The following PKHD1 variants were observed in gnomAD, a reference collection of about 807,000 sequenced individuals.
The protein encoded by PKHD1 is PKHD1 ciliary IPT domain containing fibrocystin/polyductin, also known as fibrocystin.
A neutral mutation model predicts 412.0 loss-of-function variants in PKHD1; 291 were observed. The observed-to-expected ratio is 0.71, with a 90% CI of 0.64 to 0.78. PKHD1 has a LOEUF of 0.78. Ranked by LOEUF, PKHD1 falls within the 30% of genes least tolerant of loss-of-function variation. The pLI is 0.00. For synonymous variants in PKHD1, 1,777 were observed against 1,821.5 expected (o/e 0.98, Z 0.62); for missense variants, 4,825 against 4,950.7 (o/e 0.97, Z 0.76).
At chr6:51,984,299 T>C (rs1795947783) in intron 35 of PKHD1, among the ~76,000 whole-genome samples, 1 of 152,208 alleles carries the variant, frequency 6.6e-6, no homozygotes, top group Non-Finnish European at 1.5e-5. Flanking sequence ...TGAAAGTGAA[T>C]TCATTATTAA....
intron 1 of PKHD1, among the ~76,000 whole-genome samples, chr6:52,086,214 G>T (rs1299094647): frequency 2.6e-5 from 4 of 151,266 alleles, no homozygotes; most frequent in Non-Finnish European, 5.9e-5. Flanking sequence ...AGGTTCAAGT[G>T]ATTCTTATGC....
At chr6:51,763,302 C>T (rs1335529869) in intron 55 of PKHD1, among the ~76,000 whole-genome samples, 1 of 151,982 alleles carries the variant, frequency 6.6e-6, no homozygotes, top group Non-Finnish European at 1.5e-5. Flanking sequence ...TTAGTAGAGG[C>T]CTGACATATA....
intron 3 of PKHD1, 27 bp from the exon 4 acceptor site, chr6:52,082,569 C>T: frequency 1.2e-6 from 2 of 1,612,490 alleles, no homozygotes; most frequent in East Asian, 2.2e-5. Flanking sequence ...AAATCTCAGG[C>T]TGCATAGAAT....
At chr6:51,791,499 TG>T (rs1793745094) in intron 52 of PKHD1, 126 bp from the exon 53 acceptor site, 1 of 806,882 alleles carries the variant, frequency 1.2e-6, no homozygotes, top group South Asian at 1.5e-5. Context: ...GTATAGCAAC[TG>T]GAAGAACAAA....
At chr6:51,900,848 G>T (rs569172377) in intron 43 of PKHD1, among the ~76,000 whole-genome samples, 1 of 152,262 alleles carries the variant, frequency 6.6e-6, no homozygotes, top group Admixed American at 6.5e-5. Context: ...CCATCAAAAA[G>T]TGGGTGAAGG....
intron 37 of PKHD1, among the ~76,000 whole-genome samples, chr6:51,927,878 G>T (rs1270588673): frequency 6.6e-6 from 1 of 152,082 alleles, no homozygotes; most frequent in Non-Finnish European, 1.5e-5. Context: ...CCCCAAGGTG[G>T]ATGCTAACGG....
chr6:51,939,954 C>A (rs377577537), intron 36 of PKHD1, among the ~76,000 whole-genome samples: 4 of 151,680 alleles, frequency 2.6e-5, no homozygotes, highest in Admixed American at 6.6e-5. Flanking sequence ...ATCCCTCCCC[C>A]ACCTGCCCAG....
intron 43 of PKHD1, among the ~76,000 whole-genome samples, chr6:51,897,433 A>G (rs1024416052): frequency 1.6e-4 from 24 of 152,114 alleles, no homozygotes; most frequent in Non-Finnish European, 3.1e-4. Context: ...AGTGAAGGAG[A>G]AATAAAATCC....
chr6:51,717,103 T>TA (rs949798016), intron 60 of PKHD1, among the ~76,000 whole-genome samples: 2 of 152,222 alleles, frequency 1.3e-5, no homozygotes, highest in Non-Finnish European at 2.9e-5. Context: ...ATGCAGTCAC[T>TA]AACTACATTA....
Position 52,025,632 on chromosome 6 carries a change from G to A in PKHD1, c.4178C>T (p.Ala1393Val). 1 of 1,614,124 alleles carries A rather than the reference G, an allele frequency of 6.2e-7. No individual in the cohort carries two copies. The highest frequency in any genetic ancestry group is 1.3e-5 in the African/African-American group (1 of 75,010). The change falls in exon 32 of 67, where the codon GCC (alanine) becomes GTC (valine). Residue 1393 changes from alanine to valine, a missense_variant. Physicochemically the swap from Ala to Val is moderately conservative, Grantham distance 64. Transcript: ENST00000371117. ...QQFAVMPRIM[A>V]IFPSQGSACG... ...TGCCGAACCCTGCGATGGGAAGATG[G>A]CCATTATCCGAGGCATCACTGCAAA... is the stretch of plus-strand genomic sequence containing the variant.
At chr6:51,792,617 G>T (rs189653928) in intron 52 of PKHD1, among the ~76,000 whole-genome samples, 1 of 152,190 alleles carries the variant, frequency 6.6e-6, no homozygotes, top group African/African-American at 2.4e-5. Context: ...TGACTGAGTT[G>T]TAGCCAATAA....
At chr6:51,703,874 T>G (rs1332862535) in intron 60 of PKHD1, among the ~76,000 whole-genome samples, 2 of 152,048 alleles carry the variant, frequency 1.3e-5, no homozygotes, top group African/African-American at 4.8e-5. Context: ...GGAAAGCTCA[T>G]CTGGAAATAA....
intron 36 of PKHD1, among the ~76,000 whole-genome samples, chr6:51,950,072 A>G (rs1383615816): frequency 1.3e-5 from 2 of 151,972 alleles, no homozygotes; most frequent in African/African-American, 4.8e-5. Context: ...GCCTGATTAA[A>G]AAAAGAAAAT....
At position 52,056,656 on chromosome 6, in the gene PKHD1, C is replaced by CCG. The variant is rs780181451; in HGVS notation, c.1693+41_1693+42insCG. ...TCTCATTTTATAGAAAGAAAGAAGA[C>CCG]CATGATGAAAAAGACAATCAGAATG... On this transcript the variant is annotated intron_variant, in intron 18 of 66. Transcript: ENST00000371117. The CCG allele has an allele frequency of 5.3e-6, 7 of 1,322,958 alleles. No homozygotes were observed. In the South Asian group the frequency reaches 8.2e-5, roughly 15 times the overall value. The allele number at this position is 1,322,958 out of a possible 1,614,324, so 82.0% of individuals were successfully genotyped here. A position where few individuals can be genotyped will look rare whatever the true frequency, so the allele number is the denominator to read the frequency against.
rs536443791 is a variant in PKHD1, at chr6:51,722,519, T to A, written c.10156+21866A>T. On this transcript the variant is annotated intron_variant, in intron 60 of 66. Transcript: ENST00000371117. ...TTGGTTTCATCATATTTAGAATTGATTAACCAGAGGCTTATTTTCCAAGTT... is the reference window on the plus strand; with the variant it reads ...TTGGTTTCATCATATTTAGAATTGAATAACCAGAGGCTTATTTTCCAAGTT... 1.2e-4 allele frequency among the ~76,000 whole-genome samples: 18 copies of A among 152,322 alleles called. No individual in the cohort carries two copies. The South Asian group carries it at 3.7e-3, about 32-fold the overall frequency.
rs200220064 is a variant in PKHD1 at position 51,934,091 on chromosome 6, G to C, written c.6121+19C>G. ...GACACAGCTCTACTTCATTTCCTCT[G>C]ATCAATTGCCTCACTCACCGTGCAG... On this transcript the variant is annotated intron_variant, in intron 37 of 66. Coordinates refer to ENST00000371117, the MANE Select transcript of PKHD1 (RefSeq NM_138694.4). The C allele has an allele frequency of 6.4e-7, 1 of 1,562,912 alleles. No individual in the cohort carries two copies. The highest frequency in any genetic ancestry group is 1.4e-5 in the African/African-American group (1 of 73,954).
intron 22 of PKHD1, 54 bp from the exon 23 acceptor site, chr6:52,048,673 G>C: frequency 6.2e-7 from 1 of 1,609,174 alleles, no homozygotes; most frequent in Non-Finnish European, 8.5e-7. Context: ...GTGCACCTAG[G>C]AGGACCTTGT....
rs199601270 is a variant in PKHD1, at chr6:52,057,017, C to G, written c.1513-38G>C. 5.3e-6 allele frequency: 7 copies of G among 1,316,268 alleles called. No individual in the cohort carries two copies. The African/African-American group carries it at 7.2e-5, about 14-fold the overall frequency. 81.5% of individuals were successfully genotyped at this position (1,316,268 alleles called of 1,614,324 possible). On this transcript the variant is annotated intron_variant, in intron 16 of 66. Coordinates refer to ENST00000371117, the MANE Select transcript of PKHD1 (RefSeq NM_138694.4). ...AGACAGACAAGACTAAATGATGGTG[C>G]TAATTAAGCCAGAGAGACAATCTAA... is the stretch of plus-strand genomic sequence containing the variant.
chr6:51,645,561 T>A (rs964733330), intron 63 of PKHD1, among the ~76,000 whole-genome samples: 1 of 152,030 alleles, frequency 6.6e-6, no homozygotes, highest in Non-Finnish European at 1.5e-5. Context: ...GCCCGGCTAA[T>A]TTTTGCATTT....
Sources: gnomAD v4.1 joint callset for allele counts (sites outside exome capture counted in the v4.1 genomes callset) on GRCh38, gnomAD v4.1.1 for gene constraint, MANE v1.5 for transcripts, NCBI Gene and HGNC (gene_info 2026-07-23, HGNC 2026-07-21) for gene names.